Variants in WNT10B observed in about 807,000 individuals in gnomAD.
WNT10B encodes protein Wnt-10b.
In WNT10B, 26 loss-of-function variants were observed where a neutral mutation model predicts 32.7. The observed-to-expected ratio is 0.79, with a 90% CI of 0.58 to 1.10. WNT10B has a LOEUF of 1.10. Among genes scored for constraint, WNT10B ranks in the 50% least tolerant of loss-of-function variants. The pLI is 0.00. For missense variants in WNT10B, 474 were observed against 532.5 expected, an observed-to-expected ratio of 0.89 and a Z score of 1.08; for synonymous variants, 204 against 220.4, an observed-to-expected ratio of 0.93 and a Z score of 0.66.
In WNT10B at chr12:48,970,393, C is replaced by T. The variant is rs772090711; in HGVS notation, c.75-42G>A. 1 of 1,614,068 alleles carries T rather than the reference C, an allele frequency of 6.2e-7. No individual in the cohort carries two copies. The highest frequency in any genetic ancestry group is 8.5e-7 in the Non-Finnish European group (1 of 1,179,968). On this transcript the variant is annotated intron_variant, in intron 2 of 4. Transcript: ENST00000301061. This position sits in a 1 kb window ranked among gnomAD's most constrained non-coding sequence, Gnocchi z 5.0. ...CGTCTGGGGTCTGCGGTCCAGACCC[C>T]TCCAACTCTCCCCACCCCGGGTCGG...
chr12:48,965,782 T>G lies in WNT10B; in HGVS notation c.*313A>C. On this transcript the variant is annotated 3_prime_UTR_variant, in exon 5 of 5. Transcript: ENST00000301061. ...ATAGGGACTCCCCAGCCAAAAGGAG[T>G]ATGAATCAGGGTTAAAGGGGCTCTG... 9 of 368,748 alleles carry G rather than the reference T, an allele frequency of 2.4e-5. No individual in the cohort carries two copies. The highest frequency in any genetic ancestry group is 4.0e-5 in the Non-Finnish European group (8 of 197,620). The allele number at this position is 368,748 out of a possible 1,614,324, so 22.8% of individuals were successfully genotyped here.
At chr12:48,969,871 C>G (rs1188259980) in intron 3 of WNT10B, among the ~76,000 whole-genome samples, 1 of 151,968 alleles carries the variant, frequency 6.6e-6, no homozygotes, top group Non-Finnish European at 1.5e-5. Flanking sequence ...AGAGCAGGGA[C>G]CCAGCTGCCT....
intron 4 of WNT10B, among the ~76,000 whole-genome samples, chr12:48,967,135 C>T (rs1002030520): frequency 1.1e-4 from 16 of 145,818 alleles, no homozygotes; most frequent in African/African-American, 1.8e-4. Flanking sequence ...GGATTACAGG[C>T]GCAGGCCACC....
At position 48,966,471 on chromosome 12, in the gene WNT10B, G is replaced by A; in HGVS notation, c.794C>T (p.Ala265Val). The part of the protein sequence containing the change: ...SCQFKTCWRA[A>V]PEFRAVGAAL... ...CGCCCCCACTGCCCGGAACTCTGGG[G>A]CCGCCCTCCAGCATGTCTTGAACTG... Residue 265 changes from alanine (A) to valine (V), a missense_variant, in exon 5 of 5, where the codon GCC becomes GTC. Physicochemically the swap from Ala to Val is moderately conservative, Grantham distance 64. Coordinates refer to ENST00000301061, the MANE Select transcript of WNT10B (RefSeq NM_003394.4). 1.2e-6 allele frequency: 2 copies of A among 1,614,074 alleles called. No individual in the cohort carries two copies. The highest frequency in any genetic ancestry group is 1.7e-6 in the Non-Finnish European group (2 of 1,180,046).
Position 48,970,533 on chromosome 12 carries a change from G to A in WNT10B, c.-4C>T, listed in dbSNP as rs770008152. The A allele has an allele frequency of 1.3e-6, 2 of 1,573,108 alleles. No individual in the cohort carries two copies. Among genetic ancestry groups the A allele is most frequent in the Non-Finnish European group, 8.6e-7 (1 of 1,158,966 alleles). Reference sequence around the variant, plus strand: ...GCGGCCGGGGCTCCTCCAGCATGTCGAAGCCCGGAGGCTCCGGTGGGCAGA... The same window carrying A: ...GCGGCCGGGGCTCCTCCAGCATGTCAAAGCCCGGAGGCTCCGGTGGGCAGA... On this transcript the variant is annotated 5_prime_UTR_variant, in exon 2 of 5. Coordinates refer to ENST00000301061, the MANE Select transcript of WNT10B (RefSeq NM_003394.4). This position sits in a 1 kb window ranked among gnomAD's most constrained non-coding sequence, Gnocchi z 5.0.
chr12:48,969,976 AGG>A, intron 3 of WNT10B, 111 bp downstream of exon 3: 1 of 1,260,164 alleles, frequency 7.9e-7, no homozygotes, highest in Non-Finnish European at 1.0e-6. Context: ...GGGGAATTCC[AGG>A]AGAGGCCCCT....
At position 48,969,966 on chromosome 12, in the gene WNT10B, G is replaced by C. The variant is rs1253980590; in HGVS notation, c.337+123C>G. 2.5e-6 allele frequency: 3 copies of C among 1,200,028 alleles called. No individual in the cohort carries two copies. In the African/African-American group the frequency reaches 4.9e-5, roughly 19 times the overall value. The allele number at this position is 1,200,028 out of a possible 1,614,324, so 74.3% of individuals were successfully genotyped here. On this transcript the variant is annotated intron_variant, in intron 3 of 4. Transcript: ENST00000301061. ...GGCTCAGAGCGGCTCCGGGGGGGGC[G>C]GGGAATTCCAGGAGAGGCCCCTCCC... is the stretch of plus-strand genomic sequence containing the variant.
chr12:48,968,407 A>G (rs1055888792), intron 3 of WNT10B, 88 bp from the exon 4 acceptor site: 5 of 1,564,322 alleles, frequency 3.2e-6, no homozygotes, highest in Admixed American at 1.8e-5. Flanking sequence ...GCCCCCCTCC[A>G]ACTCCAGAAA....
intron 3 of WNT10B, chr12:48,969,261 G>C (rs2137613870): frequency 2.5e-6 from 1 of 397,896 alleles, no homozygotes; most frequent in South Asian, 1.9e-5. Flanking sequence ...AGGATCTAGG[G>C]CTCCTGGGCC....
At chr12:48,969,921 C>G (rs924695190) in intron 3 of WNT10B, among the ~76,000 whole-genome samples, 168 bp downstream of exon 3, 8 of 151,718 alleles carry the variant, frequency 5.3e-5, no homozygotes, top group African/African-American at 1.7e-4. Context: ...GCGCAGGGGC[C>G]CAGACGAGTG....
rs921773973 is a variant in WNT10B at position 48,968,675 on chromosome 12, T to C, written c.338-356A>G. Reference sequence around the variant, plus strand: ...GACTAAGAGGGAGTCCCTGAGGTCTTTGAAGATGTGTACAACCGAGTTCTA... The same window carrying C: ...GACTAAGAGGGAGTCCCTGAGGTCTCTGAAGATGTGTACAACCGAGTTCTA... On this transcript the variant is annotated intron_variant, in intron 3 of 4. Transcript: ENST00000301061. Among the ~76,000 whole-genome samples the C allele has an allele frequency of 2.0e-5, 3 of 151,584 alleles. No individual in the cohort carries two copies. In the East Asian group the frequency reaches 5.8e-4, roughly 29 times the overall value.
intron 4 of WNT10B, among the ~76,000 whole-genome samples, chr12:48,966,765 G>A (rs578044619): frequency 8.9e-4 from 135 of 152,278 alleles, no homozygotes; most frequent in African/African-American, 3.1e-3. Flanking sequence ...AGTGTGATTT[G>A]TCCATCTTCC....
At chr12:48,969,119 G>A in intron 3 of WNT10B, 1 of 470,956 alleles carries the variant, frequency 2.1e-6, no homozygotes, top group South Asian at 1.5e-5. Flanking sequence ...CCATTTGGGT[G>A]TCCAAGCCTT....
chr12:48,967,366 A>ATGTTAG, intron 4 of WNT10B, among the ~76,000 whole-genome samples: 1 of 152,072 alleles, frequency 6.6e-6, no homozygotes, highest in East Asian at 1.9e-4. Flanking sequence ...AGGGTTTCCC[A>ATGTTAG]CGTTAGCCAG....
At position 48,970,344 on chromosome 12, in the gene WNT10B, T is replaced by C. The variant is rs760085808; in HGVS notation, c.82A>G (p.Ser28Gly). The C allele has an allele frequency of 6.2e-7, 1 of 1,614,052 alleles. No individual in the cohort carries two copies. The highest frequency in any genetic ancestry group is 1.1e-5 in the South Asian group (1 of 91,086). The change falls in exon 3 of 5, where the codon AGC (serine) becomes GGC (glycine). Residue 28 changes from serine to glycine, a missense_variant. Ser to Gly is a moderately conservative substitution (Grantham distance 56). Coordinates refer to ENST00000301061, the MANE Select transcript of WNT10B (RefSeq NM_003394.4). This position sits in a 1 kb window ranked among gnomAD's most constrained non-coding sequence, Gnocchi z 5.0. The stretch of plus-strand genomic sequence containing the variant: ...AACTTCAGGCCCAGAATCTCATTGC[T>C]TAGAGCCCTGGGAACCAAGAAGGCG... Reference protein sequence around the residue: ...LFLALCSRALSNEILGLKLPG... With the variant: ...LFLALCSRALGNEILGLKLPG...
intron 4 of WNT10B, 31 bp from the exon 5 acceptor site, chr12:48,966,584 A>G (rs1940739405): frequency 6.2e-7 from 1 of 1,609,092 alleles, no homozygotes; most frequent in Non-Finnish European, 8.5e-7. Context: ...GAGGTGAAGC[A>G]GAGGGCAGCA....
Position 48,970,946 on chromosome 12 carries a change from C to A in WNT10B, c.-40-377G>T. 3.3e-6 allele frequency: 1 copy of A among 300,248 alleles called. No individual in the cohort carries two copies. Among genetic ancestry groups the A allele is most frequent in the South Asian group, 3.4e-5 (1 of 29,294 alleles). 18.6% of individuals were successfully genotyped at this position (300,248 alleles called of 1,614,324 possible). A position where few individuals can be genotyped will look rare whatever the true frequency, so the allele number is the denominator to read the frequency against. Reference sequence around the variant, plus strand: ...AGGGCCCCACGACTAGCTTCCCCGCCCTCACAGGGCTAGGGAGAGGGATAG... The same window carrying A: ...AGGGCCCCACGACTAGCTTCCCCGCACTCACAGGGCTAGGGAGAGGGATAG... On this transcript the variant is annotated intron_variant, in intron 1 of 4. Coordinates refer to ENST00000301061, the MANE Select transcript of WNT10B (RefSeq NM_003394.4). This position sits in a 1 kb window ranked among gnomAD's most constrained non-coding sequence, Gnocchi z 5.0.
rs1477349385 is a variant in WNT10B at position 48,966,380 on chromosome 12, G to A, written c.885C>T (p.Phe295=). The change falls in exon 5 of 5, where the codon TTC becomes TTT. Residue 295 remains phenylalanine (F), a synonymous_variant. Transcript: ENST00000301061. ...GGCGACGGGGACGCAGACGGGGCTG[G>A]AAGGCTCCAGAATTGCGGTTGTGGG... ...IDTHNRNSGA[F]QPRLRPRRLS... 15 of 1,614,190 alleles carry A rather than the reference G, an allele frequency of 9.3e-6. No individual in the cohort carries two copies. The highest frequency in any genetic ancestry group is 2.2e-5 in the East Asian group (1 of 44,886).
chr12:48,965,893 C>T lies in WNT10B; in HGVS notation c.*202G>A. The stretch of plus-strand genomic sequence containing the variant: ...GGAGCAGAAGAGGGGTGGCAGCTTC[C>T]CCTCAAGACCCTCCAATTGTTGGGG... On this transcript the variant is annotated 3_prime_UTR_variant, in exon 5 of 5. Coordinates refer to ENST00000301061, the MANE Select transcript of WNT10B (RefSeq NM_003394.4). 1 of 622,256 alleles carries T rather than the reference C, an allele frequency of 1.6e-6. No individual in the cohort carries two copies. Among genetic ancestry groups the T allele is most frequent in the South Asian group, 2.0e-5 (1 of 50,326 alleles). 38.5% of individuals were successfully genotyped at this position (622,256 alleles called of 1,614,324 possible).
Sources: gnomAD v4.1 joint callset for allele counts (sites outside exome capture counted in the v4.1 genomes callset) on GRCh38, gnomAD v4.1.1 for gene constraint, Gnocchi (gnomAD v3.1) non-coding constraint, MANE v1.5 for transcripts, NCBI Gene and HGNC (gene_info 2026-07-23, HGNC 2026-07-21) for gene names.